The following GLG1 variants were observed in gnomAD, a reference collection of about 807,000 sequenced individuals.
The protein encoded by GLG1 is golgi glycoprotein 1, also known as Golgi apparatus protein 1.
Under a neutral mutation model 160.5 loss-of-function variants are expected in GLG1, and 38 were observed. That is an observed-to-expected ratio of 0.24 (90% CI 0.18 to 0.31). The LOEUF (loss-of-function observed/expected upper bound fraction) is 0.31, where lower values mean the gene tolerates loss of function less well. Among genes scored for constraint, GLG1 ranks in the 10% least tolerant of loss-of-function variants. GLG1 has a pLI of 1.00. For missense variants in GLG1, 1,373 were observed against 1,505.2 expected, an observed-to-expected ratio of 0.91 and a Z score of 1.45; for synonymous variants, 644 against 543.4, an observed-to-expected ratio of 1.19 and a Z score of -2.57.
At chr16:74,532,937 A>G (rs2017585305) in intron 1 of GLG1, among the ~76,000 whole-genome samples, 1 of 152,208 alleles carries the variant, frequency 6.6e-6, no homozygotes, top group African/African-American at 2.4e-5. Context: ...TCTATAATTC[A>G]TAACAAAAAG....
intron 1 of GLG1, among the ~76,000 whole-genome samples, chr16:74,555,334 C>A (rs1252755143): frequency 2.0e-5 from 3 of 152,122 alleles, no homozygotes. Flanking sequence ...ACACAAAAAA[C>A]AAAATTTAAA....
intron 1 of GLG1, among the ~76,000 whole-genome samples, chr16:74,602,114 A>C (rs1958452592): frequency 6.6e-6 from 1 of 152,144 alleles, no homozygotes; most frequent in African/African-American, 2.4e-5. Context: ...AGAGTATAAA[A>C]ATATTTACCT....
intron 2 of GLG1, among the ~76,000 whole-genome samples, chr16:74,511,454 C>T (rs544044245): frequency 6.6e-6 from 1 of 152,122 alleles, no homozygotes; most frequent in Non-Finnish European, 1.5e-5. Context: ...GAGTTCAAGA[C>T]TGGTCTGGCT....
intron 1 of GLG1, among the ~76,000 whole-genome samples, chr16:74,583,211 T>C (rs576387333): frequency 2.0e-5 from 3 of 152,216 alleles, no homozygotes; most frequent in Non-Finnish European, 2.9e-5. Context: ...GCCATTTTCA[T>C]AGCCCCAACT....
chr16:74,492,999 G>T lies in GLG1; in HGVS notation c.1192C>A (p.Leu398Ile). The T allele has an allele frequency of 1.2e-6, 2 of 1,613,560 alleles. No homozygotes were observed. The highest frequency in any genetic ancestry group is 1.7e-6 in the Non-Finnish European group (2 of 1,179,742). Residue 398 changes from leucine (L) to isoleucine (I), a missense_variant, in exon 7 of 26, where the codon CTC becomes ATC. Transcript: ENST00000422840. ...TCCAGGCACATTAACAAGTAGGAGA[G>T]CCTGGCTTCACGCGATCGCGGAAGG... ...ENLPRSREAR[L>I]SYLLMCLESA...
intron 4 of GLG1, among the ~76,000 whole-genome samples, chr16:74,498,233 C>G (rs2016268260): frequency 6.7e-6 from 1 of 150,016 alleles, no homozygotes; most frequent in African/African-American, 2.5e-5. Context: ...GAGTTCAAGA[C>G]CAGTCTGGCC....
At chr16:74,593,717 G>A (rs963181037) in intron 1 of GLG1, among the ~76,000 whole-genome samples, 3 of 151,906 alleles carry the variant, frequency 2.0e-5, no homozygotes, top group Non-Finnish European at 4.4e-5. Context: ...TTACAGGTGT[G>A]AGCCACCACA....
At chr16:74,509,136 T>G (rs974240732) in intron 2 of GLG1, among the ~76,000 whole-genome samples, 1 of 150,666 alleles carries the variant, frequency 6.6e-6, no homozygotes, top group Non-Finnish European at 1.5e-5. Flanking sequence ...TATTCAGATA[T>G]ATTTTTGTCG....
intron 12 of GLG1, among the ~76,000 whole-genome samples, chr16:74,476,575 C>T (rs1367528100): frequency 6.6e-6 from 1 of 152,156 alleles, no homozygotes; most frequent in African/African-American, 2.4e-5. Context: ...ATTTATGTGG[C>T]TTTAAACACG....
chr16:74,563,219 G>C (rs961167966), intron 1 of GLG1: 10 of 152,164 alleles, frequency 6.6e-5, no homozygotes, highest in Non-Finnish European at 1.3e-4. Flanking sequence ...CTTATCCATA[G>C]GCAGCATTAT....
At chr16:74,529,912 A>G (rs1421846833) in intron 2 of GLG1, among the ~76,000 whole-genome samples, 1 of 146,960 alleles carries the variant, frequency 6.8e-6, no homozygotes, top group East Asian at 2.0e-4. Flanking sequence ...CCCCGGTTCA[A>G]GCGATTTTCC....
At position 74,453,077 on chromosome 16, in the gene GLG1, T is replaced by C. The variant is rs1327823487; in HGVS notation, c.*90A>G. 1.3e-6 allele frequency: 2 copies of C among 1,543,542 alleles called. No individual in the cohort carries two copies. Among genetic ancestry groups the C allele is most frequent in the South Asian group, 2.6e-5 (2 of 77,706 alleles). On this transcript the variant is annotated 3_prime_UTR_variant, in exon 26 of 26. Coordinates refer to ENST00000422840, the MANE Select transcript of GLG1 (RefSeq NM_001145667.2). ...TCTAACACGGGGTTGGTGTCACTTC[T>C]GAGAAGAGCGAGGTGAGTGGGGATG...
chr16:74,483,396 A>G (rs1462753766), intron 9 of GLG1, among the ~76,000 whole-genome samples: 1 of 152,162 alleles, frequency 6.6e-6, no homozygotes, highest in Non-Finnish European at 1.5e-5. Context: ...TCCAACACAC[A>G]AAGAAGTAGA....
chr16:74,496,897 A>C (rs938525217), intron 4 of GLG1, among the ~76,000 whole-genome samples: 1 of 152,186 alleles, frequency 6.6e-6, no homozygotes, highest in African/African-American at 2.4e-5. Flanking sequence ...GGAAACAGAG[A>C]TCCTGGAAAG....
intron 7 of GLG1, among the ~76,000 whole-genome samples, chr16:74,491,700 C>G (rs1305030571): frequency 2.4e-5 from 3 of 122,576 alleles, no homozygotes; most frequent in Non-Finnish European, 5.1e-5. Context: ...GTGCAGCGCG[C>G]GATCTCGGCT....
At chr16:74,606,419 C>G (rs1597393523) in intron 1 of GLG1, among the ~76,000 whole-genome samples, 1 of 152,138 alleles carries the variant, frequency 6.6e-6, no homozygotes, top group Non-Finnish European at 1.5e-5. Flanking sequence ...GCCAGGAGCC[C>G]AGGTTTTCGT....
At chr16:74,564,167 C>A (rs895130584) in intron 1 of GLG1, among the ~76,000 whole-genome samples, 1 of 152,190 alleles carries the variant, frequency 6.6e-6, no homozygotes, top group African/African-American at 2.4e-5. Flanking sequence ...GATCCTCCCG[C>A]TTCGGCCTTC....
At chr16:74,511,920 A>G (rs1405425994) in intron 2 of GLG1, among the ~76,000 whole-genome samples, 1 of 152,112 alleles carries the variant, frequency 6.6e-6, no homozygotes, top group South Asian at 2.1e-4. Flanking sequence ...ATTTTACTGT[A>G]TCTCATCTTT....
rs368136207 is a variant in GLG1 at position 74,493,045 on chromosome 16, T to C, written c.1146A>G (p.Lys382=). The C allele has an allele frequency of 2.1e-5, 34 of 1,613,718 alleles. No homozygotes were observed. The highest frequency in any genetic ancestry group is 1.6e-4 in the Middle Eastern group (1 of 6,082). ...GAAGGTTTTCCACATTGCACCGGTA[T>C]TTCTTCAAGTCACTTTTACAGGATT... ...LAKSCKSDLK[K]YRCNVENLPR... is the part of the protein sequence containing the mutation. The change falls in exon 7 of 26, where the codon AAA becomes AAG. Residue 382 remains lysine, a synonymous_variant. Transcript: ENST00000422840.
Sources: allele counts gnomAD v4.1 joint callset (sites outside exome capture counted in the v4.1 genomes callset), GRCh38; gene constraint gnomAD v4.1.1; transcripts MANE v1.5; gene names NCBI Gene and HGNC (gene_info 2026-07-23, HGNC 2026-07-21).